Variants in C2orf49 observed in about 807,000 individuals in gnomAD.
The protein encoded by C2orf49 is tRNA splicing ligase complex subunit 2.
In C2orf49, 11 loss-of-function variants were observed where a neutral mutation model predicts 20.6. The ratio of observed to expected loss-of-function variants is 0.53; its 90% CI spans 0.34 to 0.88. The LOEUF (loss-of-function observed/expected upper bound fraction) is 0.88, where lower values mean the gene tolerates loss of function less well. Ranked by LOEUF, C2orf49 falls within the 40% of genes least tolerant of loss-of-function variation. C2orf49 has a pLI of 0.02. For missense variants in C2orf49, 289 were observed against 274.2 expected (o/e 1.05, Z -0.38); for synonymous variants, 134 against 108.5 (o/e 1.24, Z -1.46).
At chr2:105,385,604 G>T in the C2orf49 span, among the ~76,000 whole-genome samples, 1 of 152,196 alleles carries the variant, frequency 6.6e-6, no homozygotes, top group Admixed American at 6.5e-5. Flanking sequence ...GCCACATGAG[G>T]GGTTTCACTG....
At chr2:105,359,952 A>G in the C2orf49 span, 1 of 152,214 alleles carries the variant, frequency 6.6e-6, no homozygotes, top group Non-Finnish European at 1.5e-5. Context: ...CTTCACTGTC[A>G]GTTTATGTTA....
At chr2:105,353,505 T>A (rs1294502121), downstream of C2orf49, among the ~76,000 whole-genome samples, 1 of 152,170 alleles carries the variant, frequency 6.6e-6, no homozygotes, top group Non-Finnish European at 1.5e-5. Context: ...CTCATGTATT[T>A]AGTTTTTACC....
At chr2:105,368,986 T>C in the C2orf49 span, among the ~76,000 whole-genome samples, 2 of 152,256 alleles carry the variant, frequency 1.3e-5, no homozygotes, top group African/African-American at 4.8e-5. Flanking sequence ...TTACATCCGC[T>C]TTTAAGCTAG....
chr2:105,380,460 C>T, the C2orf49 span, among the ~76,000 whole-genome samples: 4 of 152,094 alleles, frequency 2.6e-5, no homozygotes, highest in African/African-American at 9.7e-5. Context: ...AACTCTTGGC[C>T]TTAAGTGATC....
At chr2:105,350,209 C>T (rs907276730), downstream of C2orf49, among the ~76,000 whole-genome samples, 1 of 152,156 alleles carries the variant, frequency 6.6e-6, no homozygotes, top group South Asian at 2.1e-4. Flanking sequence ...TATAAAGCCA[C>T]TAAGTGTCGG....
chr2:105,363,465 T>C, the C2orf49 span: 1 of 1,607,472 alleles, frequency 6.2e-7, no homozygotes, highest in East Asian at 2.2e-5. Context: ...CCTCCCGTGG[T>C]GATGGGCTGC....
rs1369476622 is a variant in C2orf49, at chr2:105,337,704, G to C, written c.99+18G>C. ...TGGAGCAGGTTGGGCGCGCCGGATC[G>C]GAGGGTGGGCGGGTGGGCCTTCCCA... On this transcript the variant is annotated intron_variant, in intron 1 of 3. Coordinates refer to ENST00000258457, the MANE Select transcript of C2orf49 (RefSeq NM_024093.3). The C allele has an allele frequency of 6.9e-6, 4 of 581,682 alleles. No individual in the cohort carries two copies. In the African/African-American group the frequency reaches 7.9e-5, roughly 11 times the overall value. The allele number at this position is 581,682 out of a possible 1,614,324, so 36.0% of individuals were successfully genotyped here.
the C2orf49 span, chr2:105,373,512 G>C: frequency 6.2e-7 from 1 of 1,607,582 alleles, no homozygotes; most frequent in Non-Finnish European, 8.5e-7. Flanking sequence ...CGTGCACAAG[G>C]CTTGAAGCTA....
the C2orf49 span, among the ~76,000 whole-genome samples, chr2:105,355,770 T>TGTGTGTGTGTGTGTGTGTG: frequency 3.5e-5 from 5 of 143,112 alleles, no homozygotes; most frequent in Non-Finnish European, 7.6e-5. Flanking sequence ...AGAAAAAATT[T>TGTGTGTGTGTGTGTGTGTG]TGTGTGTGTG....
At chr2:105,361,580 T>TC in the C2orf49 span, 2 of 659,406 alleles carry the variant, frequency 3.0e-6, no homozygotes, top group Admixed American at 6.0e-5. Context: ...GTGTTGGGAA[T>TC]CCATATGTAA....
At position 105,339,798 on chromosome 2, in the gene C2orf49, T is replaced by G. The variant is rs369070225; in HGVS notation, c.266+49T>G. ...TCAATTTATCTTATATAACTAAAGTTATATATAAGTTATTGATTTTTCCTG... is the reference window on the plus strand; with the variant it reads ...TCAATTTATCTTATATAACTAAAGTGATATATAAGTTATTGATTTTTCCTG... On this transcript the variant is annotated intron_variant, in intron 2 of 3. Transcript: ENST00000258457. 10 of 1,425,380 alleles carry G rather than the reference T, an allele frequency of 7.0e-6. No individual in the cohort carries two copies. In the African/African-American group the frequency reaches 1.0e-4, roughly 15 times the overall value. The allele number at this position is 1,425,380 out of a possible 1,614,324, so 88.3% of individuals were successfully genotyped here.
rs866549371 is a variant in C2orf49, at chr2:105,348,515, A to C, written c.*3144A>C. The C allele has an allele frequency of 7.1e-6, 1 of 141,476 alleles. No homozygotes were observed. The highest frequency in any genetic ancestry group is 1.5e-5 in the Non-Finnish European group (1 of 65,952). The allele number at this position is 141,476 out of a possible 1,614,324, so 8.8% of individuals were successfully genotyped here. On this transcript the variant is annotated 3_prime_UTR_variant, in exon 4 of 4. Transcript: ENST00000258457. ...AATACTTACATTAAGTAAAACTGCCAGTAGATTAAATCATATATATATATA... is the reference window on the plus strand; with the variant it reads ...AATACTTACATTAAGTAAAACTGCCCGTAGATTAAATCATATATATATATA...
the C2orf49 span, among the ~76,000 whole-genome samples, chr2:105,381,776 G>C: frequency 1.3e-5 from 2 of 152,156 alleles, no homozygotes; most frequent in Admixed American, 6.5e-5. Context: ...GAAGATCCAA[G>C]AAGGTAATTT....
chr2:105,339,672 G>A lies in C2orf49; in HGVS notation c.189G>A (p.Arg63=). 23 of 1,608,274 alleles carry A rather than the reference G, an allele frequency of 1.4e-5. No individual in the cohort carries two copies. Among genetic ancestry groups the A allele is most frequent in the Non-Finnish European group, 1.9e-5 (22 of 1,178,782 alleles). The change falls in exon 2 of 4, where the codon AGG becomes AGA. Residue 63 remains arginine (R), a synonymous_variant. Transcript: ENST00000258457. ...AACATGCAATACCATTGCCTCAGAG[G>A]GATTTGCCGAAGAATAGATGGGGGA... ...YVQHAIPLPQ[R]DLPKNRWGKM...
chr2:105,360,922 C>G, the C2orf49 span: 1 of 173,396 alleles, frequency 5.8e-6, no homozygotes, highest in South Asian at 1.7e-4. Context: ...TGGTCATTAC[C>G]TTATTGAGTT....
downstream of C2orf49, among the ~76,000 whole-genome samples, chr2:105,353,168 G>T (rs1679978536): frequency 1.3e-5 from 2 of 152,036 alleles, no homozygotes; most frequent in South Asian, 4.1e-4. Context: ...CATAATAACT[G>T]CCCTTGTGAT....
At chr2:105,371,819 C>T in the C2orf49 span, among the ~76,000 whole-genome samples, 2 of 152,122 alleles carry the variant, frequency 1.3e-5, no homozygotes, top group Admixed American at 6.5e-5. Context: ...CAATTAATGT[C>T]GTGGTTCTTA....
the C2orf49 span, chr2:105,363,194 T>C: frequency 7.9e-7 from 1 of 1,264,268 alleles, no homozygotes; most frequent in South Asian, 1.4e-5. Flanking sequence ...GTCTGGGGAG[T>C]TGAGGGATAT....
chr2:105,382,089 C>T, the C2orf49 span, among the ~76,000 whole-genome samples: 1 of 152,212 alleles, frequency 6.6e-6, no homozygotes, highest in African/African-American at 2.4e-5. Context: ...GCCAAAATAT[C>T]ACTGAACATT....
Sources: gnomAD v4.1 joint callset for allele counts (sites outside exome capture counted in the v4.1 genomes callset) on GRCh38, gnomAD v4.1.1 for gene constraint, MANE v1.5 for transcripts, NCBI Gene and HGNC (gene_info 2026-07-23, HGNC 2026-07-21) for gene names.